Variants in CIB2 observed in about 807,000 individuals in gnomAD.
The protein encoded by CIB2 is calcium and integrin-binding family member 2.
A neutral mutation model predicts 23.1 loss-of-function variants in CIB2; 19 were observed. The observed-to-expected ratio is 0.82, with a 90% CI of 0.57 to 1.21. The LOEUF (loss-of-function observed/expected upper bound fraction) is 1.21, where lower values mean the gene tolerates loss of function less well. CIB2 is among the 50% of genes most tolerant of loss of function. The pLI, the probability that CIB2 is intolerant of heterozygous loss-of-function variation, is 0.00. For synonymous variants in CIB2, 94 were observed against 91.7 expected, an observed-to-expected ratio of 1.03 and a Z score of -0.14; for missense variants, 220 against 241.5, an observed-to-expected ratio of 0.91 and a Z score of 0.59.
Position 78,108,902 on chromosome 15 carries a change from T to TGCGCCCTCTGTCAGGTCTGCCA in CIB2, c.346+311_346+332dup, listed in dbSNP as rs370839775. On this transcript the variant is annotated intron_variant, in intron 4 of 5. Transcript: ENST00000258930. ...TGCGCTTCCCTGTGTCTGCATGGGC[T>TGCGCCCTCTGTCAGGTCTGCCA]GCGCCCTCTGTCAGGTCTGCCAGCC... 9.3e-3 allele frequency among the ~76,000 whole-genome samples: 1,412 copies of TGCGCCCTCTGTCAGGTCTGCCA among 152,326 alleles called. 28 individuals are homozygous for TGCGCCCTCTGTCAGGTCTGCCA. Among genetic ancestry groups the TGCGCCCTCTGTCAGGTCTGCCA allele is most frequent in the African/African-American group, 0.032 (1,331 of 41,572 alleles).
At chr15:78,111,319 C>T (rs1455160091) in intron 2 of CIB2, 43 bp from the exon 3 acceptor site, 1 of 1,529,124 alleles carries the variant, frequency 6.5e-7, no homozygotes, top group South Asian at 1.2e-5. Context: ...GGGTGCCATC[C>T]CTAAGCCCCA....
chr15:78,126,826 CT>C (rs1468056191), intron 1 of CIB2, among the ~76,000 whole-genome samples: 3 of 152,192 alleles, frequency 2.0e-5, no homozygotes, highest in Non-Finnish European at 2.9e-5. Context: ...TGATGTTTCA[CT>C]TTTTCTTCTG....
rs2074307794 is a variant in CIB2, at chr15:78,120,832, A to C, written c.86+2873T>G. 19 of 700,696 alleles carry C rather than the reference A, an allele frequency of 2.7e-5. No individual in the cohort carries two copies. The South Asian group carries it at 3.2e-4, about 12-fold the overall frequency. The allele number at this position is 700,696 out of a possible 1,614,324, so 43.4% of individuals were successfully genotyped here. The stretch of plus-strand genomic sequence containing the variant: ...TACGCAGGGAGCAGCTTACCAAGAA[A>C]ACCATCCTGGTGGGGGTGGGGAGTA... On this transcript the variant is annotated intron_variant, in intron 2 of 5. Coordinates refer to ENST00000258930, the MANE Select transcript of CIB2 (RefSeq NM_006383.4).
intron 1 of CIB2, among the ~76,000 whole-genome samples, chr15:78,127,753 C>T (rs2074399990): frequency 6.6e-6 from 1 of 152,226 alleles, no homozygotes; most frequent in Admixed American, 6.5e-5. Flanking sequence ...GCTCTGCCAG[C>T]TCAGGCCTCA....
chr15:78,126,250 C>T (rs1596363515), intron 1 of CIB2, among the ~76,000 whole-genome samples: 1 of 149,848 alleles, frequency 6.7e-6, no homozygotes, highest in Non-Finnish European at 1.5e-5. Flanking sequence ...TCAAGTGATT[C>T]TCCTGTCTCA....
chr15:78,126,346 T>C (rs1311335410), intron 1 of CIB2, among the ~76,000 whole-genome samples: 3 of 152,162 alleles, frequency 2.0e-5, no homozygotes, highest in Non-Finnish European at 4.4e-5. Context: ...GGTTTCACCA[T>C]ATTGGTCAGG....
At chr15:78,109,532 A>C in intron 3 of CIB2, 150 bp from the exon 4 acceptor site, 3 of 786,118 alleles carry the variant, frequency 3.8e-6, no homozygotes, top group Non-Finnish European at 6.4e-6. Flanking sequence ...AATAATAATA[A>C]CACCTTCTTA....
Position 78,105,307 on chromosome 15 carries a change from G to A in CIB2, c.*4C>T. On this transcript the variant is annotated 3_prime_UTR_variant, in exon 6 of 6. Coordinates refer to ENST00000258930, the MANE Select transcript of CIB2 (RefSeq NM_006383.4). The stretch of plus-strand genomic sequence containing the variant: ...TCTAGGCCCCTACAGCCTCGGCAGT[G>A]TCCTCAGATCCGGATGTGGAAAGTG... 6.2e-7 allele frequency: 1 copy of A among 1,614,056 alleles called. No individual in the cohort carries two copies.
intron 3 of CIB2, chr15:78,109,606 T>C (rs1444705720): frequency 1.2e-5 from 7 of 577,846 alleles, no homozygotes; most frequent in Non-Finnish European, 2.2e-5. Context: ...GCCCGGCACA[T>C]GTAAGAGCTC....
At chr15:78,106,459 A>G (rs188456444) in intron 4 of CIB2, among the ~76,000 whole-genome samples, 1 of 152,270 alleles carries the variant, frequency 6.6e-6, no homozygotes, top group East Asian at 1.9e-4. Context: ...GTGGGTCAGG[A>G]GACTCAAAAT....
At chr15:78,125,824 CA>C (rs1401437813) in intron 1 of CIB2, among the ~76,000 whole-genome samples, 1 of 152,182 alleles carries the variant, frequency 6.6e-6, no homozygotes, top group Admixed American at 6.5e-5. Flanking sequence ...AGACCCCAGA[CA>C]AATTGTAGAG....
intron 2 of CIB2, among the ~76,000 whole-genome samples, chr15:78,113,453 C>T (rs1228730473): frequency 6.6e-6 from 1 of 152,018 alleles, no homozygotes; most frequent in Non-Finnish European, 1.5e-5. Flanking sequence ...TAGAGGAAAA[C>T]TACTTTTTTT....
At chr15:78,122,935 T>C (rs2074338465) in intron 2 of CIB2, among the ~76,000 whole-genome samples, 1 of 152,162 alleles carries the variant, frequency 6.6e-6, no homozygotes, top group Non-Finnish European at 1.5e-5. Context: ...TGACCATCGA[T>C]CTCCAGGGCA....
chr15:78,129,214 G>A (rs988024374), intron 1 of CIB2, among the ~76,000 whole-genome samples: 26 of 152,118 alleles, frequency 1.7e-4, no homozygotes, highest in African/African-American at 6.0e-4. Context: ...ACTCAGCCCG[G>A]GCTGGCAATG....
intron 2 of CIB2, among the ~76,000 whole-genome samples, chr15:78,121,113 G>A (rs374849468): frequency 6.6e-6 from 1 of 152,164 alleles, no homozygotes; most frequent in East Asian, 1.9e-4. Context: ...TCCCTCTAGG[G>A]ACAGGCAATC....
rs575024955 is a variant in CIB2, at chr15:78,106,032, C to T, written c.347-98G>A. On this transcript the variant is annotated intron_variant, in intron 4 of 5. Transcript: ENST00000258930. ...CTCCTAGCTGGCCCCACTACCTCCA[C>T]CAGCTTCTGATGTCCCCAGAGCATC... The T allele has an allele frequency of 9.2e-4, 867 of 945,586 alleles. 15 individuals are homozygous for T. In the South Asian group the frequency reaches 0.013, roughly 14 times the overall value. The allele number at this position is 945,586 out of a possible 1,614,324, so 58.6% of individuals were successfully genotyped here.
chr15:78,121,848 C>T (rs1484540327), intron 2 of CIB2, among the ~76,000 whole-genome samples: 1 of 152,216 alleles, frequency 6.6e-6, no homozygotes, highest in Non-Finnish European at 1.5e-5. Flanking sequence ...CATATTGGAT[C>T]GGATTCCCGG....
chr15:78,117,283 T>TAAAAAAAAAAAAA (rs1265422874), intron 2 of CIB2, among the ~76,000 whole-genome samples: 42 of 133,500 alleles, frequency 3.1e-4, no homozygotes, highest in East Asian at 1.1e-3. Context: ...AAAGTTTGTT[T>TAAAAAAAAAAAAA]AAAAGAATAA....
At chr15:78,116,154 G>T (rs2074237933) in intron 2 of CIB2, among the ~76,000 whole-genome samples, 1 of 152,042 alleles carries the variant, frequency 6.6e-6, no homozygotes, top group African/African-American at 2.4e-5. Context: ...TACAGGAGGT[G>T]CCGATTTAAA....
Sources: gnomAD v4.1 joint callset for allele counts (sites outside exome capture counted in the v4.1 genomes callset) on GRCh38, gnomAD v4.1.1 for gene constraint, MANE v1.5 for transcripts, NCBI Gene and HGNC (gene_info 2026-07-23, HGNC 2026-07-21) for gene names.